Variants in ZFPM2 observed in about 807,000 individuals in gnomAD.
ZFPM2 encodes zinc finger protein, FOG family member 2.
ZFPM2 carries 20 observed loss-of-function variants against 98.6 expected under a neutral mutation model. The ratio of observed to expected loss-of-function variants is 0.20; its 90% CI spans 0.14 to 0.29. The LOEUF (loss-of-function observed/expected upper bound fraction) is 0.29, where lower values mean the gene tolerates loss of function less well. ZFPM2 is among the 10% of genes least tolerant of loss of function. The probability of loss-of-function intolerance (pLI) is 1.00; values close to 1 mark genes in which losing one functional copy is unlikely to be tolerated. For synonymous variants in ZFPM2, 518 were observed against 502.7 expected, an observed-to-expected ratio of 1.03 and a Z score of -0.41; for missense variants, 1,310 against 1,388.6, an observed-to-expected ratio of 0.94 and a Z score of 0.90.
At chr8:105,452,043 G>A (rs7008556) in intron 3 of ZFPM2, among the ~76,000 whole-genome samples, 52,292 of 151,884 alleles carry the variant, frequency 0.34, 11,368 homozygotes, top group African/African-American at 0.62. Context: ...CTTAAAAAAT[G>A]TTAAAGAAAC....
chr8:105,715,871 A>G (rs558545123), intron 5 of ZFPM2, among the ~76,000 whole-genome samples: 2 of 152,148 alleles, frequency 1.3e-5, no homozygotes, highest in African/African-American at 2.4e-5. Context: ...ACTAGGGCCA[A>G]TGAACTTGAA....
In ZFPM2 at chr8:105,802,632, G is replaced by A; in HGVS notation, c.2550G>A (p.Leu850=). ...SERTTTSPKR[L]LDYHECTVCK... is the part of the protein sequence containing the mutation. ...GGACGACCACGTCTCCCAAAAGGCT[G>A]CTGGACTATCACGAGTGCACTGTGT... The change falls in exon 8 of 8, where the codon CTG becomes CTA. Residue 850 remains leucine (L), a synonymous_variant. Coordinates refer to ENST00000407775, the MANE Select transcript of ZFPM2 (RefSeq NM_012082.4). The A allele has an allele frequency of 6.2e-7, 1 of 1,610,934 alleles. No individual in the cohort carries two copies. The highest frequency in any genetic ancestry group is 8.5e-7 in the Non-Finnish European group (1 of 1,178,558).
At chr8:105,380,701 TATA>T (rs1810845617) in intron 1 of ZFPM2, among the ~76,000 whole-genome samples, 1 of 22,488 alleles carries the variant, frequency 4.4e-5, no homozygotes, top group South Asian at 1.6e-3. Context: ...ATATAACATA[TATA>T]ATATATATAT....
intron 5 of ZFPM2, among the ~76,000 whole-genome samples, chr8:105,658,586 C>CAAAAAAAA (rs773181953): frequency 1.0e-3 from 8 of 7,904 alleles, no homozygotes; most frequent in African/African-American, 4.2e-3. Flanking sequence ...GACTCCGTCT[C>CAAAAAAAA]AAAAAAAAAA....
chr8:105,538,499 T>C (rs16873353), intron 3 of ZFPM2, among the ~76,000 whole-genome samples: 34,018 of 152,062 alleles, frequency 0.22, 4,112 homozygotes, highest in African/African-American at 0.31. Context: ...AGGATAAACA[T>C]CTTTTTAGTT....
chr8:105,385,314 G>A (rs747024181), intron 1 of ZFPM2, among the ~76,000 whole-genome samples: 21 of 152,186 alleles, frequency 1.4e-4, no homozygotes, highest in Non-Finnish European at 2.8e-4. Context: ...GAAGACCATG[G>A]ATGTTATTTC....
chr8:105,591,551 G>A (rs1447916649), intron 4 of ZFPM2, among the ~76,000 whole-genome samples: 1 of 152,026 alleles, frequency 6.6e-6, no homozygotes, highest in Non-Finnish European at 1.5e-5. Flanking sequence ...TCAAATCGAT[G>A]CTAAAATATC....
chr8:105,334,904 C>T (rs931367178), intron 1 of ZFPM2, among the ~76,000 whole-genome samples: 1 of 151,530 alleles, frequency 6.6e-6, no homozygotes, highest in Non-Finnish European at 1.5e-5. Flanking sequence ...TGGGCAGTAG[C>T]AGCAGCAGCA....
chr8:105,749,175 G>T (rs528166164), intron 5 of ZFPM2, among the ~76,000 whole-genome samples: 1 of 152,066 alleles, frequency 6.6e-6, no homozygotes, highest in Non-Finnish European at 1.5e-5. Flanking sequence ...ACATATTTGG[G>T]ATTTTAAAAG....
intron 5 of ZFPM2, among the ~76,000 whole-genome samples, chr8:105,682,860 G>T (rs553695470): frequency 1.2e-3 from 178 of 152,242 alleles, no homozygotes; most frequent in African/African-American, 4.0e-3. Flanking sequence ...TGTGGCACAA[G>T]AGTCAGTTCA....
At chr8:105,460,712 C>G (rs2130300606) in intron 3 of ZFPM2, among the ~76,000 whole-genome samples, 1 of 151,884 alleles carries the variant, frequency 6.6e-6, no homozygotes, top group South Asian at 2.1e-4. Context: ...CTTGCTTTGT[C>G]TGAGCAGTAT....
chr8:105,474,905 C>T (rs188865742), intron 3 of ZFPM2, among the ~76,000 whole-genome samples: 1 of 152,314 alleles, frequency 6.6e-6, no homozygotes, highest in African/African-American at 2.4e-5. Flanking sequence ...CTATCTCCCT[C>T]TGGGAAACCC....
chr8:105,411,969 T>C (rs1328754634), intron 1 of ZFPM2, among the ~76,000 whole-genome samples: 1 of 151,854 alleles, frequency 6.6e-6, no homozygotes, highest in Non-Finnish European at 1.5e-5. Context: ...GCACATGTTC[T>C]AAGAAAAATT....
At chr8:105,645,440 G>T (rs1177437255) in intron 5 of ZFPM2, among the ~76,000 whole-genome samples, 1 of 152,116 alleles carries the variant, frequency 6.6e-6, no homozygotes, top group Non-Finnish European at 1.5e-5. Context: ...CCTGTGCATT[G>T]TTTCTTTTCT....
chr8:105,631,447 T>C (rs1174644271), intron 4 of ZFPM2, among the ~76,000 whole-genome samples: 3 of 152,320 alleles, frequency 2.0e-5, no homozygotes, highest in African/African-American at 7.2e-5. Flanking sequence ...TCCCATTTCC[T>C]GCACACTTGA....
chr8:105,593,155 G>A lies in ZFPM2; in HGVS notation c.420+31674G>A, dbSNP rs1273069964. ...TGTGTTACATATGCTTCTTATATGT[G>A]TGTATGTCTAAGAACTTGTTAATGG... is the stretch of plus-strand genomic sequence containing the variant. On this transcript the variant is annotated intron_variant, in intron 4 of 7. Coordinates refer to ENST00000407775, the MANE Select transcript of ZFPM2 (RefSeq NM_012082.4). Among the ~76,000 whole-genome samples, 5 of 152,054 alleles carry A rather than the reference G, an allele frequency of 3.3e-5. No individual in the cohort carries two copies. The East Asian group carries it at 7.7e-4, about 24-fold the overall frequency.
intron 5 of ZFPM2, among the ~76,000 whole-genome samples, chr8:105,738,049 A>T (rs1171345279): frequency 2.0e-5 from 3 of 151,980 alleles, no homozygotes; most frequent in Admixed American, 2.0e-4. Context: ...GTTCAGGGGT[A>T]CATGTGCAGG....
chr8:105,421,904 G>A (rs1215618467), intron 2 of ZFPM2, among the ~76,000 whole-genome samples: 4 of 151,592 alleles, frequency 2.6e-5, no homozygotes, highest in Non-Finnish European at 5.9e-5. Context: ...AAAATTAGCC[G>A]GGTGTGGTGG....
At chr8:105,451,689 A>G (rs1338991221) in intron 3 of ZFPM2, 2 of 152,182 alleles carry the variant, frequency 1.3e-5, no homozygotes, top group Non-Finnish European at 2.9e-5. Flanking sequence ...ATACTTCGTC[A>G]TGGCCCTCGG....
Sources: gnomAD v4.1 joint callset for allele counts (sites outside exome capture counted in the v4.1 genomes callset) on GRCh38, gnomAD v4.1.1 for gene constraint, MANE v1.5 for transcripts, NCBI Gene and HGNC (gene_info 2026-07-23, HGNC 2026-07-21) for gene names.